The following PRR12 variants were observed in gnomAD, a reference collection of about 807,000 sequenced individuals.
The protein encoded by PRR12 is proline rich 12, also known as proline-rich protein 12.
In PRR12, 12 loss-of-function variants were observed where a neutral mutation model predicts 138.0. The observed-to-expected ratio is 0.09, with a 90% CI of 0.06 to 0.14. PRR12 has a LOEUF of 0.14. Among genes scored for constraint, PRR12 ranks in the 10% least tolerant of loss-of-function variants. The pLI, the probability that PRR12 is intolerant of heterozygous loss-of-function variation, is 1.00. For missense variants in PRR12, 2,692 were observed against 2,861.3 expected (o/e 0.94, Z 1.35); for synonymous variants, 1,567 against 1,291.7 (o/e 1.21, Z -4.57).
chr19:49,594,941 A>G lies in PRR12; in HGVS notation c.606A>G (p.Ser202=), dbSNP rs1290777244. ...KPSQAPTVPS[S]LGFERLAGGG... is the part of the protein sequence containing the mutation. ...CGCAGGCACCCACGGTGCCCTCTTCACTGGGCTTCGAGCGCCTGGCAGGGG... is the reference window on the plus strand; with the variant it reads ...CGCAGGCACCCACGGTGCCCTCTTCGCTGGGCTTCGAGCGCCTGGCAGGGG... The change falls in exon 4 of 14, where the codon TCA becomes TCG. Residue 202 remains serine, a synonymous_variant. Transcript: ENST00000418929. This position sits in a 1 kb window ranked among gnomAD's most constrained non-coding sequence, Gnocchi z 5.6. 4.4e-6 allele frequency: 7 copies of G among 1,603,334 alleles called. No individual in the cohort carries two copies. The highest frequency in any genetic ancestry group is 1.7e-5 in the Admixed American group (1 of 58,674).
rs879591715 is a variant in PRR12 at position 49,621,538 on chromosome 19, G to A, written c.5637G>A (p.Leu1879=). ...CTCGTCCATCAGACGAGCTGTACCT[G>A]CCCCCCATGCGGAAGATAGACGGCC... The part of the protein sequence containing the change: ...ALEDTHDELY[L]PPMRKIDGLL... The change falls in exon 11 of 14, where the codon CTG becomes CTA. Residue 1879 remains leucine, a synonymous_variant. Transcript: ENST00000418929. The A allele has an allele frequency of 1.9e-6, 3 of 1,605,710 alleles. No homozygotes were observed. The highest frequency in any genetic ancestry group is 2.6e-6 in the Non-Finnish European group (3 of 1,176,460).
At chr19:49,612,813 C>T (rs956825598) in intron 6 of PRR12, among the ~76,000 whole-genome samples, 2 of 151,898 alleles carry the variant, frequency 1.3e-5, no homozygotes, top group Non-Finnish European at 2.9e-5. Context: ...TACAGGCACG[C>T]ACTACCACAC....
At chr19:49,619,682 C>T (rs1221026953) in intron 9 of PRR12, among the ~76,000 whole-genome samples, 1 of 150,238 alleles carries the variant, frequency 6.7e-6, no homozygotes, top group East Asian at 2.0e-4. Flanking sequence ...GCTGGGATTA[C>T]AGGCATGCAC....
In PRR12 at chr19:49,599,411, A is replaced by G; in HGVS notation, c.3818A>G (p.Lys1273Arg). ...IEAKIKEVEE[K>R]QPEMKSGFMA... ...GCCAAGATTAAGGAGGTGGAGGAGA[A>G]GCAGCCGGAGATGAAGTCGGGTTTC... is the stretch of plus-strand genomic sequence containing the variant. The change falls in exon 5 of 14, where the codon AAG (lysine) becomes AGG (arginine). Residue 1273 changes from lysine to arginine, a missense_variant. Transcript: ENST00000418929. The surrounding 1 kb of genome is among the most constrained non-coding windows in gnomAD (Gnocchi z 5.0). 5.0e-6 allele frequency: 8 copies of G among 1,611,404 alleles called. No individual in the cohort carries two copies. Among genetic ancestry groups the G allele is most frequent in the Non-Finnish European group, 6.8e-6 (8 of 1,179,036 alleles).
In PRR12 at chr19:49,591,602, C is replaced by A; in HGVS notation, c.-53C>A. 1 of 397,484 alleles carries A rather than the reference C, an allele frequency of 2.5e-6. No homozygotes were observed. Among genetic ancestry groups the A allele is most frequent in the Non-Finnish European group, 4.5e-6 (1 of 221,516 alleles). 24.6% of individuals were successfully genotyped at this position (397,484 alleles called of 1,614,324 possible). The stretch of plus-strand genomic sequence containing the variant: ...CGGCGGAGGAGAGCGCGCGCGCGCC[C>A]CCTCCCTCCCTCCCTCCCTCCCCCT... On this transcript the variant is annotated 5_prime_UTR_variant, in exon 1 of 14. Transcript: ENST00000418929.
chr19:49,594,000 C>A (rs1436762279), intron 2 of PRR12, among the ~76,000 whole-genome samples: 1 of 152,080 alleles, frequency 6.6e-6, no homozygotes, highest in East Asian at 1.9e-4. Flanking sequence ...TTTTTCCCTC[C>A]CCATCTTTTT....
At chr19:49,600,154 C>T (rs2080802215) in intron 5 of PRR12, among the ~76,000 whole-genome samples, 1 of 152,080 alleles carries the variant, frequency 6.6e-6, no homozygotes, top group Non-Finnish European at 1.5e-5. Flanking sequence ...CTAGGAGGGG[C>T]CCCAAGGCAG....
chr19:49,595,902 G>A lies in PRR12; in HGVS notation c.1567G>A (p.Gly523Arg), dbSNP rs370247147. Residue 523 changes from glycine to arginine, a missense_variant, in exon 4 of 14, where the codon GGG becomes AGG. Transcript: ENST00000418929. Reference sequence around the variant, plus strand: ...CCCAGGGCCAGCCGCCCACTCCCAGGGGCTGCCCACAGCCAGCCCCTCGCT... The same window carrying A: ...CCCAGGGCCAGCCGCCCACTCCCAGAGGCTGCCCACAGCCAGCCCCTCGCT... ...PYPGPAAHSQGLPTASPSLSY... is the reference protein window; with the variant it reads ...PYPGPAAHSQRLPTASPSLSY... 1.2e-6 allele frequency: 2 copies of A among 1,602,904 alleles called. No individual in the cohort carries two copies. The highest frequency in any genetic ancestry group is 2.7e-5 in the African/African-American group (2 of 74,902).
At position 49,616,369 on chromosome 19, in the gene PRR12, C is replaced by CCTG; in HGVS notation, c.5497+150_5497+151insCTG. On this transcript the variant is annotated intron_variant, in intron 9 of 13. Transcript: ENST00000418929. This position sits in a 1 kb window ranked among gnomAD's most constrained non-coding sequence, Gnocchi z 4.2. ...AGTAGCTCACAGTCACGGGGCATCT[C>CCTG]ACTACACGACAGGCTGCCTCCTGAG... 1.6e-5 allele frequency: 11 copies of CCTG among 687,294 alleles called. No individual in the cohort carries two copies. Among genetic ancestry groups the CCTG allele is most frequent in the Non-Finnish European group, 2.3e-5 (10 of 435,800 alleles). The allele number at this position is 687,294 out of a possible 1,614,324, so 42.6% of individuals were successfully genotyped here. A position where few individuals can be genotyped will look rare whatever the true frequency, so the allele number is the denominator to read the frequency against.
intron 1 of PRR12, 41 bp from the exon 2 acceptor site, chr19:49,593,286 C>A: frequency 1.0e-6 from 1 of 998,932 alleles, no homozygotes; most frequent in Non-Finnish European, 1.5e-6. Flanking sequence ...TCTCAGAAGG[C>A]AGCTTGGAAG....
At position 49,597,942 on chromosome 19, in the gene PRR12, C is replaced by T. The variant is rs1427520314; in HGVS notation, c.3607C>T (p.Arg1203Trp). The change falls in exon 4 of 14, where the codon CGG becomes TGG. Residue 1203 changes from arginine to tryptophan, a missense_variant. Physicochemically the swap from Arg to Trp is moderately radical, Grantham distance 101 (BLOSUM62 -3). Coordinates refer to ENST00000418929, the MANE Select transcript of PRR12 (RefSeq NM_020719.3). This position sits in a 1 kb window ranked among gnomAD's most constrained non-coding sequence, Gnocchi z 6.3. ...CGATGGCGCCAAGAAACCCCGGGGC[C>T]GGGGCCGAGGCCGGGGTCGAAAGGC... ...PTDGAKKPRGRGRGRGRKAEE... is the reference protein window; with the variant it reads ...PTDGAKKPRGWGRGRGRKAEE... 9.3e-6 allele frequency: 13 copies of T among 1,399,730 alleles called. No individual in the cohort carries two copies. The highest frequency in any genetic ancestry group is 2.5e-4 in the Middle Eastern group (1 of 4,040). The allele number at this position is 1,399,730 out of a possible 1,614,324, so 86.7% of individuals were successfully genotyped here.
Position 49,625,296 on chromosome 19 carries a change from A to G in PRR12, c.5964+96A>G. 1 of 1,478,890 alleles carries G rather than the reference A, an allele frequency of 6.8e-7. No homozygotes were observed. The highest frequency in any genetic ancestry group is 1.2e-5 in the South Asian group (1 of 84,698). 91.6% of individuals were successfully genotyped at this position (1,478,890 alleles called of 1,614,324 possible). A position where few individuals can be genotyped will look rare whatever the true frequency, so the allele number is the denominator to read the frequency against. ...TCCAAGCCCAGCCCCATCCTGCCTC[A>G]GACCCAAGAGTTCAGGTCCTTCTGT... On this transcript the variant is annotated intron_variant, in intron 13 of 13. Transcript: ENST00000418929. This position sits in a 1 kb window ranked among gnomAD's most constrained non-coding sequence, Gnocchi z 5.5.
At chr19:49,600,341 T>G in intron 5 of PRR12, among the ~76,000 whole-genome samples, 1 of 150,124 alleles carries the variant, frequency 6.7e-6, no homozygotes. Flanking sequence ...GGGTGGGCGG[T>G]GGAAGGGAAG....
Position 49,616,620 on chromosome 19 carries a change from T to C in PRR12, c.5497+401T>C, listed in dbSNP as rs1016913727. Among the ~76,000 whole-genome samples the C allele has an allele frequency of 6.6e-6, 1 of 152,132 alleles. No homozygotes were observed. The highest frequency in any genetic ancestry group is 2.4e-5 in the African/African-American group (1 of 41,426). ...TTGAGGGCTGAGGAAGATGTGGGAC[T>C]AGGCAGCTGTCCTGGAGGCTCTGTG... On this transcript the variant is annotated intron_variant, in intron 9 of 13. Transcript: ENST00000418929. The surrounding 1 kb of genome is among the most constrained non-coding windows in gnomAD (Gnocchi z 4.2).
At chr19:49,617,760 G>C (rs924885307) in intron 9 of PRR12, among the ~76,000 whole-genome samples, 2 of 152,174 alleles carry the variant, frequency 1.3e-5, no homozygotes, top group African/African-American at 4.8e-5. Context: ...GTCAAATGAG[G>C]AAGGCGGAAT....
At chr19:49,620,732 AG>A (rs2080917801) in intron 10 of PRR12, among the ~76,000 whole-genome samples, 10 of 54,530 alleles carry the variant, frequency 1.8e-4, no homozygotes, top group South Asian at 6.7e-4. Context: ...GAGGGAGAAG[AG>A]GCTGGGGGCC....
In PRR12 at chr19:49,597,107, G is replaced by A. The variant is rs771184155; in HGVS notation, c.2772G>A (p.Pro924=). 1 of 1,551,044 alleles carries A rather than the reference G, an allele frequency of 6.4e-7. No homozygotes were observed. The highest frequency in any genetic ancestry group is 1.2e-5 in the South Asian group (1 of 84,130). ...RSPSPQGTKA[P]RFVPLTSICF... The stretch of plus-strand genomic sequence containing the variant: ...CCAGCCCGCAAGGCACCAAGGCGCC[G>A]CGTTTCGTGCCGCTCACCTCCATCT... Residue 924 remains proline, a synonymous_variant, in exon 4 of 14, where the codon CCG becomes CCA. Transcript: ENST00000418929. This position sits in a 1 kb window ranked among gnomAD's most constrained non-coding sequence, Gnocchi z 6.3.
chr19:49,621,470 G>A, intron 10 of PRR12, 55 bp from the exon 11 acceptor site: 1 of 1,401,922 alleles, frequency 7.1e-7, no homozygotes, highest in Non-Finnish European at 9.9e-7. Flanking sequence ...CCCCACCTTG[G>A]CCCCAGTGCT....
intron 6 of PRR12, among the ~76,000 whole-genome samples, chr19:49,607,541 A>G (rs1373640650): frequency 6.6e-6 from 1 of 151,782 alleles, no homozygotes; most frequent in Non-Finnish European, 1.5e-5. Context: ...CGCCCCCCCT[A>G]CAAAAAAATA....
Sources: gnomAD v4.1 joint callset for allele counts (sites outside exome capture counted in the v4.1 genomes callset) on GRCh38, gnomAD v4.1.1 for gene constraint, Gnocchi (gnomAD v3.1) non-coding constraint, MANE v1.5 for transcripts, NCBI Gene and HGNC (gene_info 2026-07-23, HGNC 2026-07-21) for gene names.